AMD1: variants seen among roughly 807,000 people sequenced by gnomAD.
AMD1 encodes adenosylmethionine decarboxylase 1, also known as S-adenosylmethionine decarboxylase proenzyme.
A neutral mutation model predicts 40.2 loss-of-function variants in AMD1; 11 were observed. The ratio of observed to expected loss-of-function variants is 0.27; its 90% CI spans 0.17 to 0.45. The LOEUF (loss-of-function observed/expected upper bound fraction) is 0.45, where lower values mean the gene tolerates loss of function less well. AMD1 is among the 20% of genes least tolerant of loss of function. The pLI, the probability that AMD1 is intolerant of heterozygous loss-of-function variation, is 1.00. For synonymous variants in AMD1, 121 were observed against 130.8 expected, an observed-to-expected ratio of 0.93 and a Z score of 0.51; for missense variants, 257 against 410.2, an observed-to-expected ratio of 0.63 and a Z score of 3.23.
At chr6:110,874,207 G>C (rs924560614), upstream of AMD1, among the ~76,000 whole-genome samples, 2 of 152,214 alleles carry the variant, frequency 1.3e-5, no homozygotes, top group Non-Finnish European at 2.9e-5. Flanking sequence ...TCGCACATCA[G>C]CCAAGGCGTG....
At chr6:110,847,455 A>G in the AMD1 span, among the ~76,000 whole-genome samples, 2 of 150,934 alleles carry the variant, frequency 1.3e-5, no homozygotes, top group East Asian at 2.0e-4. Context: ...AACCCGGGAG[A>G]CGGAGCTTGC....
At chr6:110,887,362 AGATT>A in intron 1 of AMD1, 139 bp from the exon 2 acceptor site, 1 of 542,690 alleles carries the variant, frequency 1.8e-6, no homozygotes, top group Non-Finnish European at 3.2e-6. Flanking sequence ...GTGTCAATAT[AGATT>A]ATTTTGAAAG....
chr6:110,891,958 G>A (rs542441938), intron 4 of AMD1: 26 of 621,368 alleles, frequency 4.2e-5, no homozygotes, highest in Middle Eastern at 9.0e-4. Flanking sequence ...GGCCAGGCTC[G>A]AACTCTTGAC....
rs1266788442 is a variant in AMD1 at position 110,875,119 on chromosome 6, A to G, written c.14A>G (p.His5Arg). 5 of 1,613,272 alleles carry G rather than the reference A, an allele frequency of 3.1e-6. No homozygotes were observed. Among genetic ancestry groups the G allele is most frequent in the Non-Finnish European group, 4.2e-6 (5 of 1,179,740 alleles). ...AGTCTCACGGTGATGGAAGCTGCACATTTTTTCGAAGGGACCGAGAAGCTG... is the reference window on the plus strand; with the variant it reads ...AGTCTCACGGTGATGGAAGCTGCACGTTTTTTCGAAGGGACCGAGAAGCTG... MEAA[H>R]FFEGTEKLLE... Residue 5 changes from histidine (H) to arginine (R), a missense_variant, in exon 1 of 9, where the codon CAT (histidine) becomes CGT (arginine). Around this residue, in one of 3 missense-constraint regions of AMD1, gnomAD observed 57 missense variants for 76.8 expected, o/e 0.74. Coordinates refer to ENST00000368885, the MANE Select transcript of AMD1 (RefSeq NM_001634.6).
At chr6:110,846,831 C>T in the AMD1 span, among the ~76,000 whole-genome samples, 13 of 150,364 alleles carry the variant, frequency 8.6e-5, no homozygotes, top group Admixed American at 4.6e-4. Context: ...GATCGCGCCA[C>T]TGCACTCCAG....
At chr6:110,864,837 C>G in the AMD1 span, among the ~76,000 whole-genome samples, 1 of 152,180 alleles carries the variant, frequency 6.6e-6, no homozygotes, top group Admixed American at 6.5e-5. Flanking sequence ...TGCCAAAATG[C>G]GTTTATAAAA....
chr6:110,864,050 C>G, the AMD1 span: 1 of 253,688 alleles, frequency 3.9e-6, no homozygotes, highest in Non-Finnish European at 7.8e-6. Flanking sequence ...ACCTTTGCCT[C>G]CTGGGTTCAA....
chr6:110,893,455 T>A, intron 8 of AMD1, 21 bp from the exon 9 acceptor site: 1 of 1,612,046 alleles, frequency 6.2e-7, no homozygotes, highest in Non-Finnish European at 8.5e-7. Context: ...ACACTAACGG[T>A]TATTTAATTT....
the AMD1 span, among the ~76,000 whole-genome samples, chr6:110,851,468 T>C: frequency 6.6e-6 from 1 of 151,916 alleles, no homozygotes; most frequent in South Asian, 2.1e-4. Flanking sequence ...ATTGTTGTTG[T>C]TGTTGTCGTT....
chr6:110,869,506 T>C, the AMD1 span, among the ~76,000 whole-genome samples: 11 of 7,846 alleles, frequency 1.4e-3, no homozygotes, highest in African/African-American at 0.01. Flanking sequence ...TTACAGTTTC[T>C]TTTTTTTTTT....
chr6:110,826,034 G>C, the AMD1 span, among the ~76,000 whole-genome samples: 1 of 151,738 alleles, frequency 6.6e-6, no homozygotes, highest in African/African-American at 2.4e-5. Context: ...CAGGCATGGT[G>C]AATGGCCCTG....
At chr6:110,816,726 C>T in the AMD1 span, among the ~76,000 whole-genome samples, 1 of 152,074 alleles carries the variant, frequency 6.6e-6, no homozygotes, top group East Asian at 1.9e-4. Flanking sequence ...CCTCTCTTAA[C>T]TTGTCTCCAC....
chr6:110,892,282 T>C lies in AMD1; in HGVS notation c.471-17T>C, dbSNP rs1404280884. 6.2e-7 allele frequency: 1 copy of C among 1,613,408 alleles called. No homozygotes were observed. The highest frequency in any genetic ancestry group is 8.5e-7 in the Non-Finnish European group (1 of 1,179,798). ...GCCAATTGTCATTTTTAGGAACTAT[T>C]TTTAATTTTTATTTAGGTACTTATA... is the stretch of plus-strand genomic sequence containing the variant. On this transcript the variant is annotated splice_polypyrimidine_tract_variant and intron_variant, in intron 5 of 8. Transcript: ENST00000368885.
the AMD1 span, among the ~76,000 whole-genome samples, chr6:110,826,165 TAA>T: frequency 0.059 from 5,567 of 94,226 alleles, 145 homozygotes; most frequent in Middle Eastern, 0.15. Context: ...CCTGTCTCAT[TAA>T]AAAAAAAAAA....
Position 110,892,148 on chromosome 6 carries a change from C to T in AMD1, c.428-13C>T, listed in dbSNP as rs1786059123. ...ATGTGTTATATTTATTTTGCGTTCT[C>T]TTCCCTCAACAGATGGAGCAGCATA... On this transcript the variant is annotated splice_polypyrimidine_tract_variant and intron_variant, in intron 4 of 8. Transcript: ENST00000368885. The T allele has an allele frequency of 6.2e-7, 1 of 1,613,140 alleles. No individual in the cohort carries two copies. The highest frequency in any genetic ancestry group is 1.3e-5 in the African/African-American group (1 of 74,914).
At chr6:110,873,862 G>A (rs1784966054), upstream of AMD1, among the ~76,000 whole-genome samples, 1 of 152,174 alleles carries the variant, frequency 6.6e-6, no homozygotes, top group Non-Finnish European at 1.5e-5. Context: ...TGTAAATTTT[G>A]GGGGGTAAGG....
chr6:110,837,006 A>G, the AMD1 span, among the ~76,000 whole-genome samples: 2 of 151,946 alleles, frequency 1.3e-5, no homozygotes, highest in East Asian at 3.9e-4. Context: ...TTTTCTAAAA[A>G]ATTAGCCAGG....
At chr6:110,815,130 A>G in the AMD1 span, 1 of 1,598,014 alleles carries the variant, frequency 6.3e-7, no homozygotes, top group Non-Finnish European at 8.5e-7. Flanking sequence ...TTGAAATCAT[A>G]ATCCATTGTC....
At chr6:110,848,171 G>C in the AMD1 span, among the ~76,000 whole-genome samples, 1 of 152,012 alleles carries the variant, frequency 6.6e-6, no homozygotes, top group African/African-American at 2.4e-5. Flanking sequence ...GCTTGAAAAG[G>C]ACAAGGCTTT....
Sources: gnomAD v4.1 joint callset for allele counts (sites outside exome capture counted in the v4.1 genomes callset) on GRCh38, gnomAD v4.1.1 for gene constraint, gnomAD v4.1.1 regional missense constraint, MANE v1.5 for transcripts, NCBI Gene and HGNC (gene_info 2026-07-23, HGNC 2026-07-21) for gene names.